Variants in ABCC4 observed in about 807,000 individuals in gnomAD.
The protein encoded by ABCC4 is ATP-binding cassette sub-family C member 4.
In ABCC4, 102 loss-of-function variants were observed where a neutral mutation model predicts 168.5. The ratio of observed to expected loss-of-function variants is 0.61; its 90% CI spans 0.52 to 0.71. The LOEUF (loss-of-function observed/expected upper bound fraction) is 0.71, where lower values mean the gene tolerates loss of function less well. Among genes scored for constraint, ABCC4 ranks in the 30% least tolerant of loss-of-function variants. The probability of loss-of-function intolerance (pLI) is 0.00; values close to 1 mark genes in which losing one functional copy is unlikely to be tolerated. For synonymous variants in ABCC4, 617 were observed against 590.7 expected, an observed-to-expected ratio of 1.04 and a Z score of -0.65; for missense variants, 1,402 against 1,605.8, an observed-to-expected ratio of 0.87 and a Z score of 2.17.
chr13:95,298,535 G>A (rs1007563472), intron 1 of ABCC4, among the ~76,000 whole-genome samples: 13 of 152,100 alleles, frequency 8.5e-5, no homozygotes, highest in Non-Finnish European at 1.6e-4. Context: ...AAGTGATGCC[G>A]ATGCTGCTGC....
At chr13:95,157,897 C>T (rs887678392) in intron 19 of ABCC4, among the ~76,000 whole-genome samples, 72 of 151,814 alleles carry the variant, frequency 4.7e-4, no homozygotes, top group African/African-American at 1.6e-3. Flanking sequence ...CGGTGAAACC[C>T]GTCTCTACTA....
intron 30 of ABCC4, among the ~76,000 whole-genome samples, chr13:95,029,692 T>TCAGTCTACAGTCTTAAAAAAGTA: frequency 6.6e-6 from 1 of 152,366 alleles, no homozygotes; most frequent in Middle Eastern, 3.4e-3. Flanking sequence ...AGCTAAGAGT[T>TCAGTCTACAGTCTTAAAAAAGTA]CAGTCTACAG....
intron 19 of ABCC4, among the ~76,000 whole-genome samples, chr13:95,119,209 T>C (rs991723397): frequency 3.9e-5 from 6 of 152,144 alleles, no homozygotes; most frequent in Non-Finnish European, 8.8e-5. Flanking sequence ...ATCACTCCAA[T>C]CCTGCATGAT....
At chr13:95,071,614 G>A in intron 25 of ABCC4, 48 bp downstream of exon 25, 1 of 1,372,418 alleles carries the variant, frequency 7.3e-7, no homozygotes, top group Non-Finnish European at 9.6e-7. Flanking sequence ...AGCAGACATA[G>A]CACTAAATCT....
rs559336668 is a variant in ABCC4 at position 95,085,062 on chromosome 13, G to A, written c.2536-1772C>T. Among the ~76,000 whole-genome samples, 7 of 152,332 alleles carry A rather than the reference G, an allele frequency of 4.6e-5. No individual in the cohort carries two copies. In the South Asian group the frequency reaches 1.2e-3, roughly 27 times the overall value. On this transcript the variant is annotated intron_variant, in intron 20 of 30. Coordinates refer to ENST00000645237, the MANE Select transcript of ABCC4 (RefSeq NM_005845.5). ...AACAGTGGGGGACGTGCAGATTCACGTTATACATGCTCTGAGGCCTCCAAA... is the reference window on the plus strand; with the variant it reads ...AACAGTGGGGGACGTGCAGATTCACATTATACATGCTCTGAGGCCTCCAAA...
intron 4 of ABCC4, among the ~76,000 whole-genome samples, chr13:95,212,922 G>A (rs745898034): frequency 2.7e-4 from 41 of 152,080 alleles, no homozygotes; most frequent in Non-Finnish European, 4.7e-4. Flanking sequence ...GAGGTCGGGA[G>A]TTCGAGACCA....
intron 11 of ABCC4, among the ~76,000 whole-genome samples, chr13:95,178,437 G>A (rs1425147832): frequency 3.3e-5 from 5 of 152,210 alleles, no homozygotes; most frequent in Non-Finnish European, 5.9e-5. Flanking sequence ...TGACACAAAT[G>A]TAAGAGGTGA....
chr13:95,101,643 G>T (rs909116224), intron 20 of ABCC4, among the ~76,000 whole-genome samples: 2 of 152,088 alleles, frequency 1.3e-5, no homozygotes, highest in Admixed American at 6.5e-5. Context: ...AAGGGCCAAG[G>T]AAGTTTCAGC....
At chr13:95,029,870 T>C (rs2031782011) in intron 30 of ABCC4, among the ~76,000 whole-genome samples, 1 of 152,154 alleles carries the variant, frequency 6.6e-6, no homozygotes, top group Non-Finnish European at 1.5e-5. Flanking sequence ...GTGAGGCCTC[T>C]GAGGCTCACA....
intron 19 of ABCC4, among the ~76,000 whole-genome samples, chr13:95,122,199 A>T (rs2035594073): frequency 6.6e-6 from 1 of 152,102 alleles, no homozygotes; most frequent in Admixed American, 6.5e-5. Flanking sequence ...CTTTCATTTC[A>T]AAGATTTCCT....
At chr13:95,231,538 TCAGAGTCCTGCTGCAGAGCCAGCC>T (rs2039621864) in intron 4 of ABCC4, among the ~76,000 whole-genome samples, 1 of 152,170 alleles carries the variant, frequency 6.6e-6, no homozygotes, top group Non-Finnish European at 1.5e-5. Flanking sequence ...GAGGGACCTT[TCAGAGTCCTGCTGCAGAGCCAGCC>T]TCTGCCCCAA....
intron 8 of ABCC4, among the ~76,000 whole-genome samples, 179 bp downstream of exon 8, chr13:95,206,353 T>C (rs938069033): frequency 6.6e-6 from 1 of 152,194 alleles, no homozygotes; most frequent in African/African-American, 2.4e-5. Context: ...AATGCTTGCA[T>C]TGTCTTTACC....
intron 20 of ABCC4, among the ~76,000 whole-genome samples, chr13:95,087,794 G>T (rs1388718675): frequency 2.6e-5 from 4 of 152,138 alleles, no homozygotes; most frequent in African/African-American, 9.7e-5. Flanking sequence ...ACCTGCCTCA[G>T]GGAGTTCAGA....
chr13:95,297,539 A>G (rs192875347), intron 1 of ABCC4, among the ~76,000 whole-genome samples: 9 of 152,314 alleles, frequency 5.9e-5, no homozygotes, highest in Admixed American at 4.6e-4. Context: ...GTGAAAAAGC[A>G]GTTTTTCCCT....
At chr13:95,210,327 A>G (rs143747463) in intron 5 of ABCC4, among the ~76,000 whole-genome samples, 2 of 152,324 alleles carry the variant, frequency 1.3e-5, no homozygotes, top group East Asian at 3.9e-4. Context: ...AATAATAAAA[A>G]AAGAAATTAG....
intron 30 of ABCC4, among the ~76,000 whole-genome samples, chr13:95,025,084 T>A (rs1227571725): frequency 6.6e-6 from 1 of 151,654 alleles, no homozygotes; most frequent in Non-Finnish European, 1.5e-5. Context: ...ATTGGTGAGG[T>A]CCTGACAGAA....
Position 95,218,963 on chromosome 13 carries a change from AAG to A in ABCC4, c.532-8184_532-8183del, listed in dbSNP as rs1186058509. Among the ~76,000 whole-genome samples, 44 of 40,284 alleles carry A rather than the reference AAG, an allele frequency of 1.1e-3. 6 individuals carry two copies. Among genetic ancestry groups the A allele is most frequent in the African/African-American group, 5.3e-3 (40 of 7,538 alleles). The allele number at this position is 40,284 out of a possible 152,430, so 26.4% of individuals were successfully genotyped here. A position where few individuals can be genotyped will look rare whatever the true frequency, so the allele number is the denominator to read the frequency against. Reference sequence around the variant, plus strand: ...AAAGAAAGAAAGAAAGAAAGAAAGAAAGAAAGAAAGAAAGAAAGAAAGAGTGA... The same window carrying A: ...AAAGAAAGAAAGAAAGAAAGAAAGAAAAAGAAAGAAAGAAAGAAAGAGTGA... On this transcript the variant is annotated intron_variant, in intron 4 of 30. Coordinates refer to ENST00000645237, the MANE Select transcript of ABCC4 (RefSeq NM_005845.5).
chr13:95,273,672 C>T (rs1319978101), intron 1 of ABCC4, among the ~76,000 whole-genome samples: 1 of 152,102 alleles, frequency 6.6e-6, no homozygotes, highest in African/African-American at 2.4e-5. Flanking sequence ...CCACCCAAAT[C>T]TCATCTTGTA....
chr13:95,132,597 A>AT (rs976480511), intron 19 of ABCC4, among the ~76,000 whole-genome samples: 1 of 152,020 alleles, frequency 6.6e-6, no homozygotes, highest in African/African-American at 2.4e-5. Flanking sequence ...GTAATACATT[A>AT]TTTTTTTGTT....
Sources: gnomAD v4.1 joint callset for allele counts (sites outside exome capture counted in the v4.1 genomes callset) on GRCh38, gnomAD v4.1.1 for gene constraint, MANE v1.5 for transcripts, NCBI Gene and HGNC (gene_info 2026-07-23, HGNC 2026-07-21) for gene names.